The following TTLL5 variants were observed in gnomAD, a reference collection of about 807,000 sequenced individuals.
TTLL5 encodes the protein tubulin polyglutamylase TTLL5.
A neutral mutation model predicts 168.4 loss-of-function variants in TTLL5; 132 were observed. That is an observed-to-expected ratio of 0.78 (90% confidence interval 0.68 to 0.91). The LOEUF (loss-of-function observed/expected upper bound fraction) is 0.91. Ranked by LOEUF, TTLL5 falls within the 40% of genes least tolerant of loss-of-function variation. The pLI is 0.00. For missense variants in TTLL5, 1,545 were observed against 1,581.5 expected, an observed-to-expected ratio of 0.98 and a Z score of 0.39; for synonymous variants, 546 against 558.6, an observed-to-expected ratio of 0.98 and a Z score of 0.32.
intron 18 of TTLL5, among the ~76,000 whole-genome samples, chr14:75,763,253 C>CTGTGTGTGTGTGTGTGTGTGTG (rs202149877): frequency 1.2e-3 from 176 of 145,480 alleles, no homozygotes; most frequent in African/African-American, 4.3e-3. Context: ...ATAGCTCTCT[C>CTGTGTGTGTGTGTGTGTGTGTG]TCTGTGTGTG....
intron 18 of TTLL5, among the ~76,000 whole-genome samples, chr14:75,754,106 T>C (rs1890108620): frequency 6.6e-6 from 1 of 152,220 alleles, no homozygotes; most frequent in Non-Finnish European, 1.5e-5. Flanking sequence ...AAAACTAAAT[T>C]AATCTTCAAC....
chr14:75,728,794 C>A (rs1166434802), intron 12 of TTLL5, among the ~76,000 whole-genome samples: 4 of 152,096 alleles, frequency 2.6e-5, no homozygotes, highest in African/African-American at 9.6e-5. Flanking sequence ...GCAAACCTAC[C>A]ATTGAATATC....
chr14:75,743,583 T>TC (rs1387767132), intron 15 of TTLL5, among the ~76,000 whole-genome samples: 1 of 136,892 alleles, frequency 7.3e-6, no homozygotes, highest in Non-Finnish European at 1.6e-5. Context: ...CTCTTTTTTT[T>TC]TTTTTTTTTT....
At chr14:75,663,921 T>TA (rs948345343) in intron 2 of TTLL5, among the ~76,000 whole-genome samples, 2 of 151,922 alleles carry the variant, frequency 1.3e-5, no homozygotes, top group African/African-American at 2.4e-5. Flanking sequence ...CCATCTCTAC[T>TA]AAAAAAACAG....
At chr14:75,695,593 C>T (rs917639148) in intron 6 of TTLL5, among the ~76,000 whole-genome samples, 1 of 152,126 alleles carries the variant, frequency 6.6e-6, no homozygotes, top group Non-Finnish European at 1.5e-5. Context: ...TGTGATGTCT[C>T]CCCTGGACAC....
intron 26 of TTLL5, among the ~76,000 whole-genome samples, chr14:75,788,226 A>C (rs1039853899): frequency 6.6e-6 from 1 of 152,184 alleles, no homozygotes; most frequent in Non-Finnish European, 1.5e-5. Flanking sequence ...ACATTATAAA[A>C]ACAACAGTAT....
At chr14:75,781,135 A>G (rs577273809) in intron 24 of TTLL5, among the ~76,000 whole-genome samples, 4 of 152,238 alleles carry the variant, frequency 2.6e-5, no homozygotes, top group East Asian at 3.9e-4. Flanking sequence ...ATGGACATTC[A>G]TCTAGTAACT....
chr14:75,766,655 G>A (rs1393020987), intron 20 of TTLL5, among the ~76,000 whole-genome samples: 1 of 152,148 alleles, frequency 6.6e-6, no homozygotes, highest in Non-Finnish European at 1.5e-5. Flanking sequence ...CAAGCAGCTC[G>A]TCGTTTAGTA....
In TTLL5 at chr14:75,669,526, C is replaced by A; in HGVS notation, c.181+4C>A. 1.2e-6 allele frequency: 2 copies of A among 1,612,164 alleles called. No homozygotes were observed. The highest frequency in any genetic ancestry group is 2.2e-5 in the South Asian group (2 of 90,998). ...AACAATATTAGAGTAATTGGAGGTG[C>A]GTATAACCTCTCCCACAGAGGACGG... is the stretch of plus-strand genomic sequence containing the variant. On this transcript the variant is annotated splice_donor_region_variant and intron_variant, in intron 3 of 31. Coordinates refer to ENST00000298832, the MANE Select transcript of TTLL5 (RefSeq NM_015072.5).
chr14:75,707,819 C>T (rs1886768185), intron 9 of TTLL5, 112 bp downstream of exon 9: 1 of 917,318 alleles, frequency 1.1e-6, no homozygotes, highest in Non-Finnish European at 1.7e-6. Context: ...TTTTACTTGT[C>T]ATTACTGCTT....
At position 75,734,040 on chromosome 14, in the gene TTLL5, C is replaced by G. The variant is rs761830742; in HGVS notation, c.1176C>G (p.Phe392Leu). Reference sequence around the variant, plus strand: ...AAGCCAGTATGATTTCAGATATGTTCACTGTTGTAGGTGAGTAGTAGTATT... The same window carrying G: ...AAGCCAGTATGATTTCAGATATGTTGACTGTTGTAGGTGAGTAGTAGTATT... Reference protein sequence around the residue: ...KIKASMISDMFTVVGFVCQDP... With the variant: ...KIKASMISDMLTVVGFVCQDP... Residue 392 changes from phenylalanine to leucine, a missense_variant, in exon 14 of 32, where the codon TTC (phenylalanine) becomes TTG (leucine). Coordinates refer to ENST00000298832, the MANE Select transcript of TTLL5 (RefSeq NM_015072.5). 1 of 1,613,808 alleles carries G rather than the reference C, an allele frequency of 6.2e-7. No homozygotes were observed. The highest frequency in any genetic ancestry group is 8.5e-7 in the Non-Finnish European group (1 of 1,179,890).
intron 16 of TTLL5, 97 bp downstream of exon 16, chr14:75,745,305 C>T: frequency 7.8e-7 from 1 of 1,286,592 alleles, no homozygotes; most frequent in Non-Finnish European, 1.1e-6. Context: ...TCATGTCTTA[C>T]ATTGAAAAGA....
intron 30 of TTLL5, among the ~76,000 whole-genome samples, chr14:75,888,084 C>A (rs2140042578): frequency 6.6e-6 from 1 of 152,318 alleles, no homozygotes; most frequent in Middle Eastern, 3.4e-3. Context: ...GTAGAAAGGA[C>A]ATGAGCGCCA....
At chr14:75,823,141 A>G (rs1894929311) in intron 28 of TTLL5, among the ~76,000 whole-genome samples, 2 of 152,206 alleles carry the variant, frequency 1.3e-5, no homozygotes, top group African/African-American at 4.8e-5. Flanking sequence ...CCAAGTGTTT[A>G]TGACCTCTCT....
At chr14:75,723,555 TA>T (rs1208986819) in intron 12 of TTLL5, among the ~76,000 whole-genome samples, 2 of 152,220 alleles carry the variant, frequency 1.3e-5, no homozygotes, top group African/African-American at 4.8e-5. Flanking sequence ...TCCCTTGCTG[TA>T]AAAATCTTTG....
intron 6 of TTLL5, among the ~76,000 whole-genome samples, chr14:75,691,897 G>GT (rs1885489826): frequency 6.6e-6 from 1 of 152,232 alleles, no homozygotes; most frequent in African/African-American, 2.4e-5. Flanking sequence ...GAGACCAGCA[G>GT]TTCATCAGGA....
intron 27 of TTLL5, chr14:75,803,125 A>G (rs1355439819): frequency 2.0e-5 from 3 of 152,222 alleles, no homozygotes; most frequent in Non-Finnish European, 4.4e-5. Flanking sequence ...CTGAGACACA[A>G]TTGCTTTGCC....
intron 31 of TTLL5, among the ~76,000 whole-genome samples, chr14:75,918,184 C>A (rs1175582446): frequency 6.6e-6 from 1 of 152,190 alleles, no homozygotes; most frequent in East Asian, 1.9e-4. Context: ...CCCAGCAGTT[C>A]TAACTACCAT....
At chr14:75,681,418 C>T in intron 3 of TTLL5, 127 bp from the exon 4 acceptor site, 2 of 724,770 alleles carry the variant, frequency 2.8e-6, no homozygotes, top group Non-Finnish European at 4.5e-6. Context: ...ATACGTTCAA[C>T]TTATTTATAA....
Sources: allele counts gnomAD v4.1 joint callset (sites outside exome capture counted in the v4.1 genomes callset), GRCh38; gene constraint gnomAD v4.1.1; transcripts MANE v1.5; gene names NCBI Gene and HGNC (gene_info 2026-07-23, HGNC 2026-07-21).